Variants in DNAJC6 observed in about 807,000 individuals in gnomAD.
DNAJC6 encodes the protein DnaJ heat shock protein family (Hsp40) member C6, also known as auxilin.
A neutral mutation model predicts 110.0 loss-of-function variants in DNAJC6; 34 were observed. The observed-to-expected ratio is 0.31, with a 90% CI of 0.24 to 0.41. DNAJC6 has a LOEUF of 0.41. DNAJC6 is among the 10% of genes least tolerant of loss of function. DNAJC6 has a pLI of 1.00. For synonymous variants in DNAJC6, 406 were observed against 437.2 expected (o/e 0.93, Z 0.89); for missense variants, 1,031 against 1,207.8 (o/e 0.85, Z 2.17).
At chr1:65,351,827 G>A (rs1036065929) in intron 1 of DNAJC6, among the ~76,000 whole-genome samples, 30 of 152,140 alleles carry the variant, frequency 2.0e-4, no homozygotes, top group African/African-American at 6.3e-4. Flanking sequence ...GTGCAGTGGC[G>A]CGATCTCGGC....
intron 1 of DNAJC6, among the ~76,000 whole-genome samples, chr1:65,336,373 G>A (rs547321530): frequency 3.3e-5 from 5 of 152,016 alleles, no homozygotes; most frequent in African/African-American, 7.3e-5. Flanking sequence ...GGGGATTATC[G>A]GAACCACAGT....
At chr1:65,281,105 T>G (rs1653829226) in intron 1 of DNAJC6, among the ~76,000 whole-genome samples, 1 of 152,060 alleles carries the variant, frequency 6.6e-6, no homozygotes. Flanking sequence ...TTTTGTATTT[T>G]TAGTAGAGAC....
In DNAJC6 at chr1:65,385,701, T is replaced by G. The variant is rs1645865079; in HGVS notation, c.801-11T>G. 6.4e-7 allele frequency: 1 copy of G among 1,570,204 alleles called. No homozygotes were observed. Among genetic ancestry groups the G allele is most frequent in the Non-Finnish European group, 8.7e-7 (1 of 1,149,870 alleles). On this transcript the variant is annotated splice_polypyrimidine_tract_variant and intron_variant, in intron 6 of 18. Coordinates refer to ENST00000371069, the MANE Select transcript of DNAJC6 (RefSeq NM_001256864.2). ...GATGGGCCCCAAGAGAGTGCCAACC[T>G]TCTGTTTCAGATACCTGGGCTATAT...
chr1:65,409,769 C>G (rs975309), intron 17 of DNAJC6, among the ~76,000 whole-genome samples: 8,131 of 152,232 alleles, frequency 0.053, 373 homozygotes, highest in African/African-American at 0.11. Context: ...AGCAGTTCCA[C>G]TTTTCTCTCT....
Position 65,309,646 on chromosome 1 carries a change from A to AT in DNAJC6, c.-100_-99insT. On this transcript the variant is annotated 5_prime_UTR_variant, in exon 1 of 19. The change abolishes the stop of an existing upstream ORF in the 5' untranslated region. Transcript: ENST00000371069. ...CCTCTTTGCGTCATGTCGGGCACTT[A>AT]ATTTTTTTTTTTTTTTAATTCCTTC... 3.6e-6 allele frequency: 5 copies of AT among 1,397,286 alleles called. No homozygotes were observed. The highest frequency in any genetic ancestry group is 1.5e-5 in the South Asian group (1 of 64,778). 86.6% of individuals were successfully genotyped at this position (1,397,286 alleles called of 1,614,324 possible). A position where few individuals can be genotyped will look rare whatever the true frequency, so the allele number is the denominator to read the frequency against.
At chr1:65,408,087 C>G (rs1173342054) in intron 16 of DNAJC6, among the ~76,000 whole-genome samples, 1 of 152,156 alleles carries the variant, frequency 6.6e-6, no homozygotes, top group Non-Finnish European at 1.5e-5. Flanking sequence ...GATTACATCA[C>G]TAATAAGTGG....
At chr1:65,362,398 C>G (rs566662718) in intron 1 of DNAJC6, among the ~76,000 whole-genome samples, 10 of 152,152 alleles carry the variant, frequency 6.6e-5, no homozygotes, top group African/African-American at 2.4e-4. Flanking sequence ...TTTTGAAAAT[C>G]TTATATATTG....
At chr1:65,317,403 A>C (rs892309139) in intron 1 of DNAJC6, among the ~76,000 whole-genome samples, 1 of 152,262 alleles carries the variant, frequency 6.6e-6, no homozygotes, top group Non-Finnish European at 1.5e-5. Context: ...GGGATCTGGC[A>C]ATTTCTACTA....
chr1:65,265,068 C>A, intron 1 of DNAJC6: 1 of 743,246 alleles, frequency 1.3e-6, no homozygotes, highest in East Asian at 2.8e-5. Context: ...TATTAACATT[C>A]TAGTTATATA....
intron 4 of DNAJC6, among the ~76,000 whole-genome samples, chr1:65,371,560 C>T (rs1442478985): frequency 2.0e-5 from 3 of 152,276 alleles, no homozygotes; most frequent in East Asian, 3.9e-4. Flanking sequence ...ATTCATAAAA[C>T]ACTAGATGTA....
At chr1:65,394,175 G>A (rs1246378562) in intron 12 of DNAJC6, among the ~76,000 whole-genome samples, 1 of 152,170 alleles carries the variant, frequency 6.6e-6, no homozygotes, top group Non-Finnish European at 1.5e-5. Flanking sequence ...ATAGTTTCAG[G>A]CAGCTAGTGG....
At chr1:65,307,489 GA>G (rs1421329178), upstream of DNAJC6, among the ~76,000 whole-genome samples, 5 of 152,036 alleles carry the variant, frequency 3.3e-5, no homozygotes, top group African/African-American at 1.2e-4. Context: ...TGCTCTTTTT[GA>G]AAATAATAAT....
chr1:65,293,446 ACCACACTGGGAGTTAGG>A (rs1441328321), intron 1 of DNAJC6, among the ~76,000 whole-genome samples: 1 of 152,018 alleles, frequency 6.6e-6, no homozygotes, highest in African/African-American at 2.4e-5. Flanking sequence ...TCCAAATACT[ACCACACTGGGAGTTAGG>A]CCTTCAACAT....
At chr1:65,359,462 C>A (rs1475520036) in intron 1 of DNAJC6, among the ~76,000 whole-genome samples, 1 of 152,200 alleles carries the variant, frequency 6.6e-6, no homozygotes, top group Non-Finnish European at 1.5e-5. Flanking sequence ...CCACAGACAT[C>A]ATTGAAACAA....
chr1:65,302,749 A>T (rs1395242487), intron 1 of DNAJC6, among the ~76,000 whole-genome samples: 1 of 150,762 alleles, frequency 6.6e-6, no homozygotes, highest in Non-Finnish European at 1.5e-5. Flanking sequence ...GTTAGCCAGG[A>T]TGGTCTCGAT....
At chr1:65,348,190 T>G (rs766748468) in intron 1 of DNAJC6, among the ~76,000 whole-genome samples, 2 of 152,220 alleles carry the variant, frequency 1.3e-5, no homozygotes, top group African/African-American at 4.8e-5. Context: ...TGAATCTTAA[T>G]TGACACCCAG....
rs1646150226 is a variant in DNAJC6, at chr1:65,413,944, C to A, written c.*919C>A. 6.6e-6 allele frequency: 1 copy of A among 152,062 alleles called. No individual in the cohort carries two copies. Among genetic ancestry groups the A allele is most frequent in the African/African-American group, 2.4e-5 (1 of 41,388 alleles). The allele number at this position is 152,062 out of a possible 1,614,324, so 9.4% of individuals were successfully genotyped here. ...TTGGCCTGTTCACAACTTATCAGGACCAATATCTAGTGTGGACTCAGTGTT... is the reference window on the plus strand; with the variant it reads ...TTGGCCTGTTCACAACTTATCAGGAACAATATCTAGTGTGGACTCAGTGTT... On this transcript the variant is annotated 3_prime_UTR_variant, in exon 19 of 19. Transcript: ENST00000371069.
intron 1 of DNAJC6, among the ~76,000 whole-genome samples, chr1:65,340,309 T>G (rs1354941315): frequency 2.0e-5 from 3 of 152,248 alleles, no homozygotes; most frequent in Non-Finnish European, 4.4e-5. Flanking sequence ...TCCAGGCTCC[T>G]GCTCTTATCA....
Position 65,388,339 on chromosome 1 carries a change from A to G in DNAJC6, c.1117A>G (p.Thr373Ala). 1 of 1,613,762 alleles carries G rather than the reference A, an allele frequency of 6.2e-7. No individual in the cohort carries two copies. The highest frequency in any genetic ancestry group is 1.7e-5 in the Admixed American group (1 of 60,028). The change falls in exon 9 of 19, where the codon ACC (threonine) becomes GCC (alanine). Residue 373 changes from threonine (T) to alanine (A), a missense_variant. Transcript: ENST00000371069. ...TGCTTCTCTCATGTATTTTTAGGTG[A>G]CCAACACACAGATATTCCAGCTTCA... is the stretch of plus-strand genomic sequence containing the variant. ...TIGSRLQAKV[T>A]NTQIFQLQFH...
Sources: allele counts gnomAD v4.1 joint callset (sites outside exome capture counted in the v4.1 genomes callset), GRCh38; gene constraint gnomAD v4.1.1; transcripts MANE v1.5; gene names NCBI Gene and HGNC (gene_info 2026-07-23, HGNC 2026-07-21).